The following ZNF99 variants were observed in gnomAD, a reference collection of about 807,000 sequenced individuals.
ZNF99 encodes the protein zinc finger protein ENSP00000375192.
A neutral mutation model predicts 12.8 loss-of-function variants in ZNF99; 8 were observed. That is an observed-to-expected ratio of 0.62 (90% CI 0.37 to 1.13). The LOEUF is 1.13. ZNF99 is among the 50% of genes most tolerant of loss of function. ZNF99 has a pLI of 0.02. For synonymous variants in ZNF99, 318 were observed against 319.0 expected, an observed-to-expected ratio of 1.00 and a Z score of 0.03; for missense variants, 1,007 against 1,006.2, an observed-to-expected ratio of 1.00 and a Z score of -0.01.
chr19:22,761,119 A>C (rs1316512764), intron 3 of ZNF99, among the ~76,000 whole-genome samples: 3 of 151,930 alleles, frequency 2.0e-5, no homozygotes, highest in African/African-American at 7.2e-5. Context: ...TTTGGAAAAC[A>C]ACCATAAAAC....
At chr19:22,783,094 A>C (rs1295118499) in intron 1 of ZNF99, among the ~76,000 whole-genome samples, 1 of 152,062 alleles carries the variant, frequency 6.6e-6, no homozygotes, top group Non-Finnish European at 1.5e-5. Context: ...AGCCTGACCA[A>C]AACGGAGAAA....
rs1377155375 is a variant in ZNF99 at position 22,784,000 on chromosome 19, C to A, written c.3+14G>T. ...CCCTTCCCCTTCTCAGGATATCGGA[C>A]CCGGCACTCTCACCATTTCTAAGCT... On this transcript the variant is annotated intron_variant, in intron 1 of 3. Transcript: ENST00000596209. 6.2e-7 allele frequency: 1 copy of A among 1,613,842 alleles called. No individual in the cohort carries two copies. Among genetic ancestry groups the A allele is most frequent in the East Asian group, 2.2e-5 (1 of 44,874 alleles).
At chr19:22,759,737 C>A in intron 3 of ZNF99, 55 bp from the exon 4 acceptor site, 1 of 1,270,714 alleles carries the variant, frequency 7.9e-7, no homozygotes, top group Non-Finnish European at 1.0e-6. Flanking sequence ...GATGAATATA[C>A]TTTACAAATC....
chr19:22,782,661 CTTTTTTTTT>C (rs71180598), intron 1 of ZNF99, among the ~76,000 whole-genome samples: 2 of 86,650 alleles, frequency 2.3e-5, no homozygotes, highest in Admixed American at 3.1e-4. Flanking sequence ...CGCACCTGGC[CTTTTTTTTT>C]TTTTTTTTTT....
intron 1 of ZNF99, among the ~76,000 whole-genome samples, chr19:22,778,417 C>T (rs1420989051): frequency 6.6e-6 from 1 of 152,110 alleles, no homozygotes; most frequent in Admixed American, 6.6e-5. Context: ...GTCTGACATT[C>T]TCCAACACCA....
intron 1 of ZNF99, among the ~76,000 whole-genome samples, chr19:22,776,277 G>A (rs1362441529): frequency 2.7e-5 from 4 of 150,356 alleles, no homozygotes; most frequent in Non-Finnish European, 5.9e-5. Flanking sequence ...CTTGAACCCA[G>A]GAGGCGAAGG....
rs55638958 is a variant in ZNF99, at chr19:22,776,408, GATATATATATATATATATAT to G, written c.4-7104_4-7085del. On this transcript the variant is annotated intron_variant, in intron 1 of 3. Coordinates refer to ENST00000596209, the MANE Select transcript of ZNF99 (RefSeq NM_001080409.3). ...CATGAGCAAACTTTTTCCAAAATAA[GATATATATATATATATATAT>G]ATATATATATATATATATATATATA... Among the ~76,000 whole-genome samples the G allele has an allele frequency of 2.2e-3, 156 of 69,602 alleles. 1 individual carries two copies. The highest frequency in any genetic ancestry group is 0.01 in the Middle Eastern group (1 of 100). The allele number at this position is 69,602 out of a possible 152,430, so 45.7% of individuals were successfully genotyped here.
chr19:22,763,559 G>A (rs1264070831), intron 3 of ZNF99, among the ~76,000 whole-genome samples: 1 of 152,084 alleles, frequency 6.6e-6, no homozygotes, highest in Non-Finnish European at 1.5e-5. Context: ...ACTGCCAAAA[G>A]CAATCTACAA....
In ZNF99 at chr19:22,754,040, T is replaced by A. The variant is rs1212479655; in HGVS notation, c.*3274A>T. 1 of 455,914 alleles carries A rather than the reference T, an allele frequency of 2.2e-6. No homozygotes were observed. The highest frequency in any genetic ancestry group is 2.0e-5 in the African/African-American group (1 of 50,064). The allele number at this position is 455,914 out of a possible 1,614,324, so 28.2% of individuals were successfully genotyped here. ...AGGTTTGTAGAGCTTCTCTCCAGTA[T>A]GATTTGATAACTTATTAAAAACTTT... On this transcript the variant is annotated 3_prime_UTR_variant, in exon 4 of 4. Transcript: ENST00000596209.
Position 22,784,050 on chromosome 19 carries a change from T to C in ZNF99, c.-34A>G. ...TTCCAGGGGGTCCTGGCGTCCTAGC[T>C]GTGGATCTCCAAATACCTACAGGTC... On this transcript the variant is annotated 5_prime_UTR_variant, in exon 1 of 4. Coordinates refer to ENST00000596209, the MANE Select transcript of ZNF99 (RefSeq NM_001080409.3). 1.2e-6 allele frequency: 2 copies of C among 1,613,224 alleles called. No homozygotes were observed. The highest frequency in any genetic ancestry group is 1.7e-6 in the Non-Finnish European group (2 of 1,179,612).
rs779134921 is a variant in ZNF99, at chr19:22,756,661, AG to A, written c.*652del. The stretch of plus-strand genomic sequence containing the variant: ...AGTATGAATTATCTTATGTTTCATA[AG>A]GGTCGAGAAATTGTTAAAACCTTTG... On this transcript the variant is annotated 3_prime_UTR_variant, in exon 4 of 4. Transcript: ENST00000596209. 1 of 1,480,640 alleles carries A rather than the reference AG, an allele frequency of 6.8e-7. No individual in the cohort carries two copies. Among genetic ancestry groups the A allele is most frequent in the East Asian group, 2.6e-5 (1 of 38,382 alleles). The allele number at this position is 1,480,640 out of a possible 1,614,324, so 91.7% of individuals were successfully genotyped here. A position where few individuals can be genotyped will look rare whatever the true frequency, so the allele number is the denominator to read the frequency against.
Position 22,755,853 on chromosome 19 carries a change from A to G in ZNF99, c.*1461T>C, listed in dbSNP as rs73927411. 6,361 of 327,078 alleles carry G rather than the reference A, an allele frequency of 0.019. 377 individuals carry two copies. Among genetic ancestry groups the G allele is most frequent in the African/African-American group, 0.13 (5,832 of 46,340 alleles). 20.3% of individuals were successfully genotyped at this position (327,078 alleles called of 1,614,324 possible). On this transcript the variant is annotated 3_prime_UTR_variant, in exon 4 of 4. Transcript: ENST00000596209. ...TTGAGGACCAGTTAAAAGCTTTGCCATATTATTCACATTTGTGGAGTTTAT... is the reference window on the plus strand; with the variant it reads ...TTGAGGACCAGTTAAAAGCTTTGCCGTATTATTCACATTTGTGGAGTTTAT...
At chr19:22,761,851 A>T (rs1973154116) in intron 3 of ZNF99, among the ~76,000 whole-genome samples, 1 of 152,208 alleles carries the variant, frequency 6.6e-6, no homozygotes, top group African/African-American at 2.4e-5. Context: ...AAAACCATGC[A>T]AATACATGTA....
Position 22,756,459 on chromosome 19 carries a change from T to C in ZNF99, c.*855A>G. The C allele has an allele frequency of 6.3e-7, 1 of 1,588,966 alleles. No individual in the cohort carries two copies. The highest frequency in any genetic ancestry group is 1.5e-5 in the African/African-American group (1 of 65,952). On this transcript the variant is annotated 3_prime_UTR_variant, in exon 4 of 4. Coordinates refer to ENST00000596209, the MANE Select transcript of ZNF99 (RefSeq NM_001080409.3). The stretch of plus-strand genomic sequence containing the variant: ...TACCACACTCTTCACATTTGTAGGG[T>C]TTCTTTCCAGTATGAATTATCCTAT...
chr19:22,759,783 T>G, intron 3 of ZNF99, 101 bp from the exon 4 acceptor site: 1 of 852,850 alleles, frequency 1.2e-6, no homozygotes, highest in Non-Finnish European at 1.7e-6. Flanking sequence ...TTAAGCAAGA[T>G]GGCACAGCAA....
chr19:22,776,911 T>C (rs2145158209), intron 1 of ZNF99, among the ~76,000 whole-genome samples: 1 of 152,224 alleles, frequency 6.6e-6, no homozygotes, highest in South Asian at 2.1e-4. Context: ...TCTGGGAGGC[T>C]GAGGCAGGTA....
chr19:22,773,704 C>T (rs910343991), intron 1 of ZNF99: 1 of 152,218 alleles, frequency 6.6e-6, no homozygotes, highest in African/African-American at 2.4e-5. Context: ...ACTCCCTGAG[C>T]ACTGGGGCTA....
At chr19:22,771,623 A>G (rs1367897320) in intron 1 of ZNF99, among the ~76,000 whole-genome samples, 3 of 149,768 alleles carry the variant, frequency 2.0e-5, no homozygotes, top group Non-Finnish European at 3.0e-5. Flanking sequence ...TCAACATTAC[A>G]TGTTCTACTT....
intron 1 of ZNF99, among the ~76,000 whole-genome samples, chr19:22,779,007 C>CAAA (rs540497626): frequency 1.6e-5 from 2 of 128,396 alleles, no homozygotes; most frequent in Admixed American, 7.9e-5. Context: ...AACTCTATCT[C>CAAA]AAAAAAAAAA....
Sources: gnomAD v4.1 joint callset for allele counts (sites outside exome capture counted in the v4.1 genomes callset) on GRCh38, gnomAD v4.1.1 for gene constraint, MANE v1.5 for transcripts, NCBI Gene and HGNC (gene_info 2026-07-23, HGNC 2026-07-21) for gene names.